Variants in PLCE1 observed in about 807,000 individuals in gnomAD.
The protein encoded by PLCE1 is phospholipase C epsilon 1.
In PLCE1, 119 loss-of-function variants were observed where a neutral mutation model predicts 242.8. The observed-to-expected ratio is 0.49, with a 90% CI of 0.42 to 0.57. PLCE1 has a LOEUF of 0.57. Among genes scored for constraint, PLCE1 ranks in the 20% least tolerant of loss-of-function variants. PLCE1 has a pLI of 0.00. For synonymous variants in PLCE1, 945 were observed against 1,017.4 expected (o/e 0.93, Z 1.35); for missense variants, 2,441 against 2,788.8 (o/e 0.88, Z 2.81).
chr10:94,023,904 T>G (rs1413763257), intron 1 of PLCE1, among the ~76,000 whole-genome samples: 1 of 152,130 alleles, frequency 6.6e-6, no homozygotes, highest in Non-Finnish European at 1.5e-5. Context: ...TTTGTGGTCT[T>G]GGAAAAGAAC....
intron 2 of PLCE1, among the ~76,000 whole-genome samples, chr10:94,093,940 T>TTTC (rs1319284760): frequency 2.3e-5 from 3 of 128,674 alleles, no homozygotes; most frequent in Non-Finnish European, 4.8e-5. Flanking sequence ...ATTTCTTTTT[T>TTTC]TTTTTTTTTT....
intron 4 of PLCE1, among the ~76,000 whole-genome samples, chr10:94,226,194 A>G (rs770793567): frequency 4.6e-5 from 7 of 152,212 alleles, no homozygotes; most frequent in Non-Finnish European, 1.0e-4. Flanking sequence ...GTAGACATGG[A>G]TTATTTTTAA....
chr10:94,308,568 T>C lies in PLCE1; in HGVS notation c.5885-13T>C, dbSNP rs2133672256. ...ATGGTTAACAAGCTTTTCCCAATTCTGTATTACTCCAGGATATCGACATCT... is the reference window on the plus strand; with the variant it reads ...ATGGTTAACAAGCTTTTCCCAATTCCGTATTACTCCAGGATATCGACATCT... On this transcript the variant is annotated splice_polypyrimidine_tract_variant and intron_variant, in intron 26 of 32. Transcript: ENST00000371380. 6.5e-7 allele frequency: 1 copy of C among 1,545,618 alleles called. No homozygotes were observed. The highest frequency in any genetic ancestry group is 2.2e-5 in the East Asian group (1 of 44,546).
rs760865251 is a variant in PLCE1 at position 94,308,696 on chromosome 10, T to C, written c.6000T>C (p.Ser2000=). ...CCTCTGGCAATACCATGTCAGCCTCTTCGGTAATGAAGTTCTGTTTCACTC... is the reference window on the plus strand; with the variant it reads ...CCTCTGGCAATACCATGTCAGCCTCCTCGGTAATGAAGTTCTGTTTCACTC... ...ENSSGNTMSA[S]SMFNTEERKC... Residue 2000 remains serine, a synonymous_variant, in exon 27 of 33, where the codon TCT becomes TCC. Coordinates refer to ENST00000371380, the MANE Select transcript of PLCE1 (RefSeq NM_016341.4). 20 of 1,575,744 alleles carry C rather than the reference T, an allele frequency of 1.3e-5. No individual in the cohort carries two copies. The South Asian group carries it at 2.2e-4, about 17-fold the overall frequency.
chr10:94,293,752 A>G, intron 23 of PLCE1, 113 bp downstream of exon 23: 1 of 1,215,770 alleles, frequency 8.2e-7, no homozygotes, highest in East Asian at 2.6e-5. Flanking sequence ...CTGAACATTA[A>G]TATTGTCTGA....
rs71031568 is a variant in PLCE1 at position 94,297,590 on chromosome 10, TAAAAAAA to T, written c.5168-758_5168-752del. Among the ~76,000 whole-genome samples the T allele has an allele frequency of 2.9e-3, 163 of 56,480 alleles. 1 individual carries two copies. The highest frequency in any genetic ancestry group is 5.5e-3 in the African/African-American group (100 of 18,090). 37.1% of individuals were successfully genotyped at this position (56,480 alleles called of 152,430 possible). ...AGGCCTGCCCCAAACTTTAAATTTGTAAAAAAAAAAAAAAAAAAAAAAAAAAAAAAAA... is the reference window on the plus strand; with the variant it reads ...AGGCCTGCCCCAAACTTTAAATTTGTAAAAAAAAAAAAAAAAAAAAAAAAA... On this transcript the variant is annotated intron_variant, in intron 23 of 32. Transcript: ENST00000371380.
In PLCE1 at chr10:94,107,617, CT is replaced by C. The variant is rs542377124; in HGVS notation, c.1207-24547del. The C allele has an allele frequency of 1.5e-4, 23 of 148,456 alleles. No homozygotes were observed. The East Asian group carries it at 1.6e-3, about 10-fold the overall frequency. 9.2% of individuals were successfully genotyped at this position (148,456 alleles called of 1,614,324 possible). On this transcript the variant is annotated intron_variant, in intron 2 of 32. Transcript: ENST00000371380. ...GTGAAAAGATGGACAATTTAAATAG[CT>C]TTTTTTTTTAAGGTTTTAGACAACT...
chr10:94,115,949 A>G (rs1047737951), intron 2 of PLCE1, among the ~76,000 whole-genome samples: 4 of 152,158 alleles, frequency 2.6e-5, no homozygotes, highest in South Asian at 2.1e-4. Flanking sequence ...GAGACACTCA[A>G]TGCAACAGGG....
rs2061551075 is a variant in PLCE1, at chr10:94,031,259, G to C, written c.213G>C (p.Lys71Asn). 1 of 1,613,860 alleles carries C rather than the reference G, an allele frequency of 6.2e-7. No individual in the cohort carries two copies. Among genetic ancestry groups the C allele is most frequent in the African/African-American group, 1.3e-5 (1 of 75,032 alleles). The change falls in exon 2 of 33, where the codon AAG becomes AAC. Residue 71 changes from lysine (K) to asparagine (N), a missense_variant. Lys to Asn is a moderately conservative substitution (Grantham distance 94). Coordinates refer to ENST00000371380, the MANE Select transcript of PLCE1 (RefSeq NM_016341.4). ...KEEPSGSNLP[K>N]ILSIAREKIV... The stretch of plus-strand genomic sequence containing the variant: ...AACCTTCTGGAAGCAACTTGCCAAA[G>C]ATTCTCTCAATAGCGAGGGAGAAAA...
At chr10:94,087,978 C>T (rs1231312700) in intron 2 of PLCE1, among the ~76,000 whole-genome samples, 1 of 152,224 alleles carries the variant, frequency 6.6e-6, no homozygotes, top group Non-Finnish European at 1.5e-5. Context: ...GGAGCCACAG[C>T]ACATGCTTTG....
intron 3 of PLCE1, among the ~76,000 whole-genome samples, chr10:94,156,516 C>T (rs984090871): frequency 6.6e-6 from 1 of 152,158 alleles, no homozygotes; most frequent in Non-Finnish European, 1.5e-5. Context: ...CATAGAGCAA[C>T]GTGTGGGGAA....
In PLCE1 at chr10:94,322,012, G is replaced by C; in HGVS notation, c.6454G>C (p.Val2152Leu). The change falls in exon 30 of 33, where the codon GTC (valine) becomes CTC (leucine). Residue 2152 changes from valine to leucine, a missense_variant. By Grantham distance (32) the Val-to-Leu change is conservative (BLOSUM62 1). Transcript: ENST00000371380. ...TGTTTCTCCAGAGCAACCTCGAACA[G>C]TCATCAAAGCACCCCGCGTCAGCAC... ...HDVSPEQPRT[V>L]IKAPRVSTAQ... The C allele has an allele frequency of 6.8e-6, 11 of 1,614,134 alleles. No homozygotes were observed. The highest frequency in any genetic ancestry group is 9.3e-6 in the Non-Finnish European group (11 of 1,180,010).
chr10:94,182,094 G>GT (rs550150974), intron 4 of PLCE1, among the ~76,000 whole-genome samples: 15,093 of 131,102 alleles, frequency 0.12, 1,546 homozygotes, highest in African/African-American at 0.29. Context: ...TTTTCTTTCT[G>GT]TTTTTTTTTT....
chr10:94,218,861 CT>C (rs1281091730), intron 4 of PLCE1, among the ~76,000 whole-genome samples: 3 of 145,390 alleles, frequency 2.1e-5, no homozygotes, highest in African/African-American at 7.6e-5. Flanking sequence ...ATCAATCATA[CT>C]TTTATATATA....
Position 94,171,206 on chromosome 10 carries a change from A to C in PLCE1, c.1519A>C (p.Asn507His), listed in dbSNP as rs766326899. Residue 507 changes from asparagine (N) to histidine (H), a missense_variant, in exon 4 of 33, where the codon AAT becomes CAT. Asn to His is a moderately conservative substitution (Grantham distance 68). This residue lies in a region of PLCE1 where 733 missense variants were observed against 754.2 expected (regional missense o/e 0.97). Transcript: ENST00000371380. ...ACGCCAGCCAGGCCCCTCTGTGGCCAATTCCAATGCCCTCCCTTCAAGTTC... is the reference window on the plus strand; with the variant it reads ...ACGCCAGCCAGGCCCCTCTGTGGCCCATTCCAATGCCCTCCCTTCAAGTTC... The part of the protein sequence containing the change: ...KERQPGPSVA[N>H]SNALPSSSAG... 4 of 1,614,204 alleles carry C rather than the reference A, an allele frequency of 2.5e-6. No homozygotes were observed. Among genetic ancestry groups the C allele is most frequent in the Non-Finnish European group, 1.7e-6 (2 of 1,180,024 alleles).
In PLCE1 at chr10:94,331,665, A is replaced by AG. The variant is rs1158103933; in HGVS notation, c.*3725dup. On this transcript the variant is annotated 3_prime_UTR_variant, in exon 33 of 33. Transcript: ENST00000371380. ...GGACCCCAAAAAAGTTAGAGAGAAAAGGGAGATTGTCTCTTATACAGAGTC... is the reference window on the plus strand; with the variant it reads ...GGACCCCAAAAAAGTTAGAGAGAAAAGGGGAGATTGTCTCTTATACAGAGTC... The AG allele has an allele frequency of 6.6e-6, 1 of 152,164 alleles. No individual in the cohort carries two copies. Among genetic ancestry groups the AG allele is most frequent in the Non-Finnish European group, 1.5e-5 (1 of 68,032 alleles). 9.4% of individuals were successfully genotyped at this position (152,164 alleles called of 1,614,324 possible). A position where few individuals can be genotyped will look rare whatever the true frequency, so the allele number is the denominator to read the frequency against.
chr10:94,086,600 A>G (rs1297736297), intron 2 of PLCE1, among the ~76,000 whole-genome samples: 1 of 152,216 alleles, frequency 6.6e-6, no homozygotes, highest in East Asian at 1.9e-4. Flanking sequence ...GGATAGGCCC[A>G]TATGTCTACA....
rs199900553 is a variant in PLCE1 at position 94,077,778 on chromosome 10, C to CA, written c.1206+45529dup. 3.8e-4 allele frequency among the ~76,000 whole-genome samples: 58 copies of CA among 150,898 alleles called. 1 individual carries two copies. The East Asian group carries it at 8.6e-3, about 22-fold the overall frequency. On this transcript the variant is annotated intron_variant, in intron 2 of 32. Coordinates refer to ENST00000371380, the MANE Select transcript of PLCE1 (RefSeq NM_016341.4). ...CAAGACACTGTTTCAAAAAAACAAA[C>CA]AAACAAAAAAACAGTGTTGGAATAA...
intron 4 of PLCE1, among the ~76,000 whole-genome samples, chr10:94,201,371 T>C (rs1267962636): frequency 2.6e-5 from 4 of 152,200 alleles, no homozygotes; most frequent in African/African-American, 9.7e-5. Flanking sequence ...CAGAAGTGCT[T>C]TGTGAACTAT....
Sources: allele counts gnomAD v4.1 joint callset (sites outside exome capture counted in the v4.1 genomes callset), GRCh38; gene constraint gnomAD v4.1.1; regional missense constraint gnomAD v4.1.1; transcripts MANE v1.5; gene names NCBI Gene and HGNC (gene_info 2026-07-23, HGNC 2026-07-21).